Variants in GRM8 observed in about 807,000 individuals in gnomAD.
The protein encoded by GRM8 is glutamate metabotropic receptor 8, also known as metabotropic glutamate receptor 8.
GRM8 carries 47 observed loss-of-function variants against 87.2 expected under a neutral mutation model. That is an observed-to-expected ratio of 0.54 (90% CI 0.43 to 0.69). The LOEUF is 0.69. Among genes scored for constraint, GRM8 ranks in the 30% least tolerant of loss-of-function variants. GRM8 has a pLI of 0.00. For missense variants in GRM8, 1,019 were observed against 1,139.2 expected, an observed-to-expected ratio of 0.89 and a Z score of 1.52; for synonymous variants, 396 against 404.5, an observed-to-expected ratio of 0.98 and a Z score of 0.25.
chr7:126,567,724 A>G (rs73224963), intron 8 of GRM8, among the ~76,000 whole-genome samples: 19,491 of 152,130 alleles, frequency 0.13, 1,539 homozygotes, highest in South Asian at 0.17. Context: ...GTTAGGTAAG[A>G]ACTTGGTCTC....
At chr7:126,804,490 T>C (rs1421527279) in intron 6 of GRM8, among the ~76,000 whole-genome samples, 1 of 152,234 alleles carries the variant, frequency 6.6e-6, no homozygotes, top group Admixed American at 6.5e-5. Flanking sequence ...CGCAGAACTT[T>C]CTGTGTGAAA....
chr7:127,177,495 C>T (rs1346718574), intron 2 of GRM8, among the ~76,000 whole-genome samples: 1 of 152,246 alleles, frequency 6.6e-6, no homozygotes, highest in African/African-American at 2.4e-5. Context: ...CATACTACTA[C>T]AGCTGATGCT....
intron 6 of GRM8, among the ~76,000 whole-genome samples, chr7:126,864,240 T>TTCACTG (rs1798403318): frequency 6.6e-6 from 1 of 152,152 alleles, no homozygotes; most frequent in South Asian, 2.1e-4. Flanking sequence ...GTGATGTTTC[T>TTCACTG]AAGTGGGCCT....
intron 3 of GRM8, among the ~76,000 whole-genome samples, chr7:126,944,995 C>T (rs75861683): frequency 1.3e-5 from 2 of 152,076 alleles, no homozygotes; most frequent in Non-Finnish European, 2.9e-5. Flanking sequence ...TATGGGGAAG[C>T]TTTTATATCC....
rs73722636 is a variant in GRM8 at position 126,514,347 on chromosome 7, A to C, written c.2430+18605T>G. 4.4e-3 allele frequency among the ~76,000 whole-genome samples: 667 copies of C among 152,298 alleles called. 2 individuals are homozygous for C. Among genetic ancestry groups the C allele is most frequent in the African/African-American group, 0.015 (644 of 41,576 alleles). On this transcript the variant is annotated intron_variant, in intron 9 of 10. Coordinates refer to ENST00000339582, the MANE Select transcript of GRM8 (RefSeq NM_000845.3). ...CTGTAGTGAATGCTTAAAATGAAGC[A>C]GTGGGTATGGCTTAAACAATTTGGA...
intron 6 of GRM8, among the ~76,000 whole-genome samples, chr7:126,776,289 A>G (rs1046969998): frequency 6.6e-6 from 1 of 152,146 alleles, no homozygotes; most frequent in African/African-American, 2.4e-5. Context: ...GAGAGAAAAT[A>G]TGTTTTAGAG....
rs553223810 is a variant in GRM8, at chr7:127,130,386, T to G, written c.511-23674A>C. 5.3e-5 allele frequency among the ~76,000 whole-genome samples: 8 copies of G among 152,314 alleles called. 1 individual carries two copies. Among genetic ancestry groups the G allele is most frequent in the African/African-American group, 1.4e-4 (6 of 41,556 alleles). ...CAGGAGACAGAAGAATGTTTAGAAC[T>G]TCCTATAGATTTGTTTAATGGTTTT... On this transcript the variant is annotated intron_variant, in intron 2 of 10. Transcript: ENST00000339582.
At chr7:126,568,041 T>C (rs1794387510) in intron 8 of GRM8, among the ~76,000 whole-genome samples, 3 of 152,146 alleles carry the variant, frequency 2.0e-5, no homozygotes, top group Admixed American at 2.0e-4. Context: ...TAATATCTTG[T>C]TTATATCTCC....
chr7:126,838,180 G>A (rs1224914236), intron 6 of GRM8, among the ~76,000 whole-genome samples: 1 of 152,050 alleles, frequency 6.6e-6, no homozygotes, highest in Non-Finnish European at 1.5e-5. Context: ...CTAATTTGAT[G>A]CATTGTGCAT....
chr7:126,707,821 T>A (rs951680524), intron 7 of GRM8, among the ~76,000 whole-genome samples: 10 of 152,090 alleles, frequency 6.6e-5, no homozygotes, highest in Non-Finnish European at 2.9e-5. Context: ...GAAAATCTCC[T>A]TGACATTGGT....
At chr7:126,764,382 T>C (rs1207589163) in intron 7 of GRM8, among the ~76,000 whole-genome samples, 1 of 152,072 alleles carries the variant, frequency 6.6e-6, no homozygotes, top group Non-Finnish European at 1.5e-5. Flanking sequence ...ATCATATGAC[T>C]TTACACAATC....
At chr7:127,000,619 C>T (rs2132028034) in intron 3 of GRM8, among the ~76,000 whole-genome samples, 1 of 151,720 alleles carries the variant, frequency 6.6e-6, no homozygotes, top group East Asian at 1.9e-4. Flanking sequence ...TATGATTCCA[C>T]TTATATGGTG....
At chr7:126,915,117 A>G (rs1803759277) in intron 3 of GRM8, among the ~76,000 whole-genome samples, 1 of 152,118 alleles carries the variant, frequency 6.6e-6, no homozygotes. Context: ...ACCGATCTGG[A>G]GGTCTGCTCA....
At position 126,595,307 on chromosome 7, in the gene GRM8, C is replaced by A. The variant is rs185380112; in HGVS notation, c.1494+14055G>T. On this transcript the variant is annotated intron_variant, in intron 8 of 10. Coordinates refer to ENST00000339582, the MANE Select transcript of GRM8 (RefSeq NM_000845.3). ...AGTGCAGTGACATGATCGCAGTTCACGGCAACCTCCCCTTCCCCAGTAGCT... is the reference window on the plus strand; with the variant it reads ...AGTGCAGTGACATGATCGCAGTTCAAGGCAACCTCCCCTTCCCCAGTAGCT... Among the ~76,000 whole-genome samples the A allele has an allele frequency of 5.3e-5, 8 of 151,986 alleles. No homozygotes were observed. The East Asian group carries it at 1.5e-3, about 29-fold the overall frequency.
At chr7:126,508,402 T>G (rs1452407157) in intron 9 of GRM8, among the ~76,000 whole-genome samples, 7 of 151,900 alleles carry the variant, frequency 4.6e-5, no homozygotes, top group African/African-American at 1.7e-4. Flanking sequence ...GAGAGCCCAT[T>G]CCTAAAAGCC....
intron 3 of GRM8, among the ~76,000 whole-genome samples, chr7:126,931,457 G>A (rs1180895067): frequency 2.6e-5 from 4 of 152,012 alleles, no homozygotes; most frequent in Non-Finnish European, 5.9e-5. Context: ...TTGTAACTAG[G>A]TTAACAAACA....
intron 6 of GRM8, among the ~76,000 whole-genome samples, chr7:126,776,915 A>G (rs1034533801): frequency 2.0e-5 from 3 of 152,178 alleles, no homozygotes; most frequent in African/African-American, 7.2e-5. Context: ...TCCCTTGAAG[A>G]TTATTTAAGT....
intron 2 of GRM8, among the ~76,000 whole-genome samples, chr7:127,143,284 A>G (rs1828376452): frequency 6.6e-6 from 1 of 152,162 alleles, no homozygotes; most frequent in Non-Finnish European, 1.5e-5. Flanking sequence ...TTTTATCCTT[A>G]ATAAATAGTC....
chr7:127,145,260 C>A (rs1338957319), intron 2 of GRM8, among the ~76,000 whole-genome samples: 6 of 152,094 alleles, frequency 3.9e-5, no homozygotes, highest in East Asian at 3.9e-4. Flanking sequence ...AAACATTTCC[C>A]TTTTATGTAC....
Sources: gnomAD v4.1 joint callset for allele counts (sites outside exome capture counted in the v4.1 genomes callset) on GRCh38, gnomAD v4.1.1 for gene constraint, MANE v1.5 for transcripts, NCBI Gene and HGNC (gene_info 2026-07-23, HGNC 2026-07-21) for gene names.